The following RALYL variants were observed in gnomAD, a reference collection of about 807,000 sequenced individuals.
The protein encoded by RALYL is RNA-binding Raly-like protein.
A neutral mutation model predicts 35.1 loss-of-function variants in RALYL; 29 were observed. The observed-to-expected ratio is 0.83, with a 90% CI of 0.61 to 1.13. The LOEUF is 1.13. Ranked by LOEUF, RALYL falls within the 50% of genes most tolerant of loss-of-function variation. RALYL has a pLI of 0.00. For missense variants in RALYL, 359 were observed against 360.4 expected (o/e 1.00, Z 0.03); for synonymous variants, 120 against 127.6 (o/e 0.94, Z 0.40).
chr8:84,242,046 C>A (rs991854579), intron 1 of RALYL, among the ~76,000 whole-genome samples: 3 of 152,082 alleles, frequency 2.0e-5, no homozygotes, highest in Non-Finnish European at 2.9e-5. Flanking sequence ...TTGTTCCCCC[C>A]ATGTGTCCAT....
chr8:84,411,815 T>C (rs923108481), intron 1 of RALYL, among the ~76,000 whole-genome samples: 5 of 151,976 alleles, frequency 3.3e-5, no homozygotes, highest in Admixed American at 2.6e-4. Flanking sequence ...CAAAAATTAC[T>C]GAATAAAATA....
intron 6 of RALYL, among the ~76,000 whole-genome samples, chr8:84,863,557 AAC>A (rs1563767497): frequency 6.6e-6 from 1 of 152,202 alleles, no homozygotes; most frequent in African/African-American, 2.4e-5. Context: ...TTGATGAGTA[AAC>A]ACAGAAAGTC....
At chr8:84,208,139 C>T (rs1043378060) in intron 1 of RALYL, among the ~76,000 whole-genome samples, 1 of 152,046 alleles carries the variant, frequency 6.6e-6, no homozygotes, top group Non-Finnish European at 1.5e-5. Flanking sequence ...GATTATGATA[C>T]TCTATAAGTA....
Position 84,184,759 on chromosome 8 carries a change from G to GT in RALYL, c.-24+336dup, listed in dbSNP as rs1409558916. On this transcript the variant is annotated intron_variant, in intron 1 of 8. Coordinates refer to ENST00000521268, the MANE Select transcript of RALYL (RefSeq NM_173848.7). Reference sequence around the variant, plus strand: ...GGGCACTAGGCGGCCGGCGGGCCCTGTAAGTTCTCCGAGGGCCACTTGCAC... The same window carrying GT: ...GGGCACTAGGCGGCCGGCGGGCCCTGTTAAGTTCTCCGAGGGCCACTTGCAC... The GT allele has an allele frequency of 1.8e-5, 8 of 449,574 alleles. No individual in the cohort carries two copies. In the East Asian group the frequency reaches 2.4e-4, roughly 14 times the overall value. The allele number at this position is 449,574 out of a possible 1,614,324, so 27.8% of individuals were successfully genotyped here.
intron 1 of RALYL, among the ~76,000 whole-genome samples, chr8:84,321,024 T>G (rs1451705915): frequency 6.6e-6 from 1 of 152,064 alleles, no homozygotes; most frequent in African/African-American, 2.4e-5. Context: ...TCTAGGGAAA[T>G]GTCAGGGGTT....
chr8:84,684,441 C>T (rs775290465), intron 2 of RALYL, among the ~76,000 whole-genome samples: 41 of 152,004 alleles, frequency 2.7e-4, no homozygotes, highest in Admixed American at 2.1e-3. Flanking sequence ...ATGAAAGCAC[C>T]GACTAGCCTG....
At chr8:84,353,178 G>A (rs1851228483) in intron 1 of RALYL, among the ~76,000 whole-genome samples, 1 of 149,750 alleles carries the variant, frequency 6.7e-6, no homozygotes, top group Non-Finnish European at 1.5e-5. Context: ...TATGTTTATT[G>A]AGCACCCTCT....
At chr8:84,382,565 T>C (rs1231726998) in intron 1 of RALYL, among the ~76,000 whole-genome samples, 1 of 151,800 alleles carries the variant, frequency 6.6e-6, no homozygotes, top group Non-Finnish European at 1.5e-5. Context: ...TCAAGCTATT[T>C]TAAATGCTTA....
chr8:84,220,829 T>G (rs1822022469), intron 1 of RALYL, among the ~76,000 whole-genome samples: 1 of 151,964 alleles, frequency 6.6e-6, no homozygotes, highest in Non-Finnish European at 1.5e-5. Flanking sequence ...GTAAAATTGT[T>G]CATTTCCTTT....
intron 2 of RALYL, among the ~76,000 whole-genome samples, chr8:84,612,834 T>C (rs1395606175): frequency 6.6e-6 from 1 of 151,720 alleles, no homozygotes; most frequent in Non-Finnish European, 1.5e-5. Flanking sequence ...ATTGCTAATG[T>C]TATTTTTAAA....
At chr8:84,629,729 A>G (rs917996168) in intron 2 of RALYL, among the ~76,000 whole-genome samples, 1 of 151,976 alleles carries the variant, frequency 6.6e-6, no homozygotes. Context: ...CTAAAGCTTG[A>G]AAGGTTATGC....
At chr8:84,807,113 A>G (rs1482762570) in intron 4 of RALYL, among the ~76,000 whole-genome samples, 1 of 152,132 alleles carries the variant, frequency 6.6e-6, no homozygotes, top group African/African-American at 2.4e-5. Context: ...CCATCACCCA[A>G]GCAGTATACA....
intron 2 of RALYL, among the ~76,000 whole-genome samples, chr8:84,553,596 T>C (rs1447135970): frequency 2.0e-5 from 3 of 152,200 alleles, no homozygotes; most frequent in Admixed American, 2.0e-4. Flanking sequence ...CTGAGATCTG[T>C]ACCTCAAATT....
chr8:84,666,295 A>T (rs1358736485), intron 2 of RALYL, among the ~76,000 whole-genome samples: 1 of 152,078 alleles, frequency 6.6e-6, no homozygotes, highest in Non-Finnish European at 1.5e-5. Flanking sequence ...GCTCTATTGA[A>T]AAAGGGCCTT....
intron 1 of RALYL, among the ~76,000 whole-genome samples, chr8:84,389,987 A>C (rs1317384912): frequency 6.6e-6 from 1 of 151,934 alleles, no homozygotes; most frequent in Admixed American, 6.6e-5. Flanking sequence ...GGTTTGTCAT[A>C]GATAGCTCTT....
chr8:84,188,348 T>A (rs1813024840), intron 1 of RALYL, among the ~76,000 whole-genome samples: 1 of 152,092 alleles, frequency 6.6e-6, no homozygotes, highest in African/African-American at 2.4e-5. Context: ...ATTCTTCAAA[T>A]TTTTATGGAC....
At chr8:84,641,413 T>A (rs1826294143) in intron 2 of RALYL, among the ~76,000 whole-genome samples, 1 of 151,754 alleles carries the variant, frequency 6.6e-6, no homozygotes. Context: ...GCCATTCCAC[T>A]ATTTTAGAAA....
chr8:84,614,106 C>A (rs946205341), intron 2 of RALYL, among the ~76,000 whole-genome samples: 8 of 151,286 alleles, frequency 5.3e-5, no homozygotes, highest in African/African-American at 2.0e-4. Flanking sequence ...CACTGAATTA[C>A]TATAAAGATT....
At chr8:84,806,943 C>A (rs1017142385) in intron 4 of RALYL, among the ~76,000 whole-genome samples, 5 of 151,970 alleles carry the variant, frequency 3.3e-5, no homozygotes, top group African/African-American at 1.2e-4. Flanking sequence ...CCCAGCAGGT[C>A]CGGGCTACAA....
Sources: allele counts gnomAD v4.1 joint callset (sites outside exome capture counted in the v4.1 genomes callset), GRCh38; gene constraint gnomAD v4.1.1; transcripts MANE v1.5; gene names NCBI Gene and HGNC (gene_info 2026-07-23, HGNC 2026-07-21).